The following FBXO25 variants were observed in gnomAD, a reference collection of about 807,000 sequenced individuals.
FBXO25 encodes F-box protein 25, also known as F-box only protein 25.
In FBXO25, 45 loss-of-function variants were observed where a neutral mutation model predicts 51.9. That is an observed-to-expected ratio of 0.87 (90% confidence interval 0.68 to 1.11). FBXO25 has a LOEUF of 1.11. Among genes scored for constraint, FBXO25 ranks in the 50% most tolerant of loss-of-function variants. The probability of loss-of-function intolerance (pLI) is 0.00; values close to 1 mark genes in which losing one functional copy is unlikely to be tolerated. For missense variants in FBXO25, 507 were observed against 428.5 expected, an observed-to-expected ratio of 1.18 and a Z score of -1.62; for synonymous variants, 199 against 151.0, an observed-to-expected ratio of 1.32 and a Z score of -2.33.
chr8:477,332 T>C lies in FBXO25; in HGVS notation c.*8528T>C, dbSNP rs1002106189. ...CGACTGATCTTCTGTCTGGTTGTCC[T>C]ATCCGTTACTGAAAGTGGGCTACTG... On this transcript the variant is annotated 3_prime_UTR_variant, in exon 10 of 10. Coordinates refer to ENST00000350302, the MANE Select transcript of FBXO25 (RefSeq NM_183420.2). 1 of 152,258 alleles carries C rather than the reference T, an allele frequency of 6.6e-6. No homozygotes were observed. Among genetic ancestry groups the C allele is most frequent in the Admixed American group, 6.5e-5 (1 of 15,286 alleles). The allele number at this position is 152,258 out of a possible 1,614,324, so 9.4% of individuals were successfully genotyped here. A position where few individuals can be genotyped will look rare whatever the true frequency, so the allele number is the denominator to read the frequency against.
intron 2 of FBXO25, among the ~76,000 whole-genome samples, chr8:429,466 A>G (rs1301566187): frequency 1.3e-5 from 2 of 152,228 alleles, no homozygotes. Flanking sequence ...TTATAAAAAG[A>G]GAACATGTTT....
rs753837202 is a variant in FBXO25 at position 463,083 on chromosome 8, A to C, written c.920A>C (p.Tyr307Ser). The change falls in exon 9 of 10, where the codon TAC becomes TCC. Residue 307 changes from tyrosine (Y) to serine (S), a missense_variant. Transcript: ENST00000350302. ...KLMYFALQKH[Y>S]PAKEQYGDTL... ...ATGTACTTTGCACTTCAGAAACATT[A>C]CCCAGCGAAGGAGCAGTACGGAGAC... 2 of 1,613,914 alleles carry C rather than the reference A, an allele frequency of 1.2e-6. No homozygotes were observed. The highest frequency in any genetic ancestry group is 1.7e-5 in the Admixed American group (1 of 59,956).
intron 5 of FBXO25, among the ~76,000 whole-genome samples, chr8:436,810 G>A (rs1276564274): frequency 3.3e-5 from 5 of 152,198 alleles, no homozygotes; most frequent in Non-Finnish European, 7.3e-5. Context: ...AGACCATACT[G>A]AGTTGCTTTA....
rs570892871 is a variant in FBXO25 at position 476,629 on chromosome 8, T to C, written c.*7825T>C. The C allele has an allele frequency of 6.6e-6, 1 of 152,316 alleles. No homozygotes were observed. The highest frequency in any genetic ancestry group is 1.5e-5 in the Non-Finnish European group (1 of 68,028). 9.4% of individuals were successfully genotyped at this position (152,316 alleles called of 1,614,324 possible). On this transcript the variant is annotated 3_prime_UTR_variant, in exon 10 of 10. Coordinates refer to ENST00000350302, the MANE Select transcript of FBXO25 (RefSeq NM_183420.2). The stretch of plus-strand genomic sequence containing the variant: ...TGTCCAGTTCATCTAGGTTATCCAA[T>C]TCTTTGATATGTAATTGCTCATAGT...
chr8:427,184 G>C (rs1214718467), intron 2 of FBXO25, among the ~76,000 whole-genome samples: 13 of 152,036 alleles, frequency 8.6e-5, no homozygotes, highest in Admixed American at 3.9e-4. Context: ...GGGATTGTTA[G>C]AGCAGAGATT....
At chr8:422,261 T>A (rs1585017973) in intron 2 of FBXO25, among the ~76,000 whole-genome samples, 1 of 152,258 alleles carries the variant, frequency 6.6e-6, no homozygotes, top group Non-Finnish European at 1.5e-5. Flanking sequence ...TGGCAGCAGG[T>A]ACCTGTGGTG....
intron 4 of FBXO25, among the ~76,000 whole-genome samples, chr8:433,268 G>A (rs1439300961): frequency 6.6e-6 from 1 of 150,926 alleles, no homozygotes; most frequent in African/African-American, 2.5e-5. Context: ...GATGTATGGT[G>A]TGTGGTGGCA....
chr8:437,733 T>A (rs1044372151), intron 5 of FBXO25, among the ~76,000 whole-genome samples: 1 of 144,272 alleles, frequency 6.9e-6, no homozygotes, highest in Non-Finnish European at 1.5e-5. Context: ...TCTTTCAGTG[T>A]GTGCTATTTT....
chr8:410,665 G>A (rs1796434064), intron 1 of FBXO25, among the ~76,000 whole-genome samples: 1 of 152,062 alleles, frequency 6.6e-6, no homozygotes, highest in Admixed American at 6.5e-5. Context: ...ATAACTTTAG[G>A]TCGACTGAAC....
chr8:412,197 G>A (rs1002082795), intron 1 of FBXO25, among the ~76,000 whole-genome samples: 1 of 152,124 alleles, frequency 6.6e-6, no homozygotes, highest in African/African-American at 2.4e-5. Flanking sequence ...GTCCTAAGCT[G>A]AAATTAATAT....
intron 9 of FBXO25, among the ~76,000 whole-genome samples, chr8:464,886 G>A (rs976888626): frequency 2.0e-5 from 3 of 152,166 alleles, no homozygotes; most frequent in Admixed American, 6.5e-5. Context: ...GTTGTGTTAT[G>A]TGTTTTTGCA....
intron 9 of FBXO25, chr8:467,672 C>A: frequency 6.3e-7 from 1 of 1,598,376 alleles, no homozygotes; most frequent in South Asian, 1.1e-5. Flanking sequence ...CCTTTTTTTC[C>A]CTCCCTTCAC....
rs377442852 is a variant in FBXO25, at chr8:451,451, A to G, written c.658A>G (p.Lys220Glu). 1.2e-4 allele frequency: 187 copies of G among 1,613,288 alleles called. 3 individuals carry two copies. In the South Asian group the frequency reaches 1.7e-3, roughly 15 times the overall value. Residue 220 changes from lysine (K) to glutamate (E), a missense_variant and splice_region_variant, in exon 7 of 10, where the codon AAG becomes GAG. Coordinates refer to ENST00000350302, the MANE Select transcript of FBXO25 (RefSeq NM_183420.2). ...ACAGCTACAGGATCTTCAGATGACT[A>G]AGGTATAAATATCTCGGCATAAGAG... Reference protein sequence around the residue: ...QQQLQDLQMTKQVNNGLTLSD... With the variant: ...QQQLQDLQMTEQVNNGLTLSD...
At chr8:416,978 G>T (rs557798610) in intron 2 of FBXO25, among the ~76,000 whole-genome samples, 18 of 152,312 alleles carry the variant, frequency 1.2e-4, no homozygotes, top group African/African-American at 4.3e-4. Context: ...GCAATCTGTG[G>T]AAGGAAACCT....
Position 472,109 on chromosome 8 carries a change from A to C in FBXO25, c.*3305A>C, listed in dbSNP as rs978199663. 4.6e-5 allele frequency: 7 copies of C among 152,170 alleles called. No individual in the cohort carries two copies. Among genetic ancestry groups the C allele is most frequent in the Non-Finnish European group, 8.8e-5 (6 of 68,036 alleles). 9.4% of individuals were successfully genotyped at this position (152,170 alleles called of 1,614,324 possible). The stretch of plus-strand genomic sequence containing the variant: ...GCTAGAATCTCTAGTACAATGTTGA[A>C]TAGCAGTGCGAGAGTGAACATCCTT... On this transcript the variant is annotated 3_prime_UTR_variant, in exon 10 of 10. Coordinates refer to ENST00000350302, the MANE Select transcript of FBXO25 (RefSeq NM_183420.2).
At position 471,601 on chromosome 8, in the gene FBXO25, A is replaced by C. The variant is rs1260622985; in HGVS notation, c.*2797A>C. 1 of 152,172 alleles carries C rather than the reference A, an allele frequency of 6.6e-6. No individual in the cohort carries two copies. Among genetic ancestry groups the C allele is most frequent in the Non-Finnish European group, 1.5e-5 (1 of 68,018 alleles). 9.4% of individuals were successfully genotyped at this position (152,172 alleles called of 1,614,324 possible). A position where few individuals can be genotyped will look rare whatever the true frequency, so the allele number is the denominator to read the frequency against. On this transcript the variant is annotated 3_prime_UTR_variant, in exon 10 of 10. Transcript: ENST00000350302. The stretch of plus-strand genomic sequence containing the variant: ...CAATGCCAGACACTCTCAAGATAGA[A>C]TCTCCAGTCATTCTCGGACCTGTTC...
At chr8:409,357 G>T (rs958882416) in intron 1 of FBXO25, among the ~76,000 whole-genome samples, 3 of 152,006 alleles carry the variant, frequency 2.0e-5, no homozygotes, top group Non-Finnish European at 2.9e-5. Context: ...TAAGCCTTTG[G>T]GCATGGACTA....
intron 2 of FBXO25, 102 bp downstream of exon 2, chr8:413,315 C>G (rs994947900): frequency 4.6e-5 from 63 of 1,360,842 alleles, no homozygotes; most frequent in Non-Finnish European, 1.9e-5. Context: ...TTGAGACTTG[C>G]CCACCCAGAA....
chr8:464,875 A>C (rs551634635), intron 9 of FBXO25, among the ~76,000 whole-genome samples: 1 of 152,134 alleles, frequency 6.6e-6, no homozygotes, highest in African/African-American at 2.4e-5. Context: ...AAAAGATGCA[A>C]GTTGTGTTAT....
Sources: gnomAD v4.1 joint callset for allele counts (sites outside exome capture counted in the v4.1 genomes callset) on GRCh38, gnomAD v4.1.1 for gene constraint, MANE v1.5 for transcripts, NCBI Gene and HGNC (gene_info 2026-07-23, HGNC 2026-07-21) for gene names.